SGCD: variants seen among roughly 807,000 people sequenced by gnomAD.
The protein encoded by SGCD is delta-sarcoglycan.
SGCD carries 18 observed loss-of-function variants against 36.6 expected under a neutral mutation model. The observed-to-expected ratio is 0.49, with a 90% CI of 0.34 to 0.73. The LOEUF (loss-of-function observed/expected upper bound fraction) is 0.73, where lower values mean the gene tolerates loss of function less well. Among genes scored for constraint, SGCD ranks in the 30% least tolerant of loss-of-function variants. SGCD has a pLI of 0.01. For missense variants in SGCD, 387 were observed against 346.7 expected, an observed-to-expected ratio of 1.12 and a Z score of -0.92; for synonymous variants, 133 against 130.6, an observed-to-expected ratio of 1.02 and a Z score of -0.12.
intron 5 of SGCD, among the ~76,000 whole-genome samples, chr5:156,591,729 T>G (rs1171046898): frequency 6.6e-6 from 1 of 152,154 alleles, no homozygotes; most frequent in Non-Finnish European, 1.5e-5. Flanking sequence ...GGAATAGTGG[T>G]TTTTTTCTTC....
intron 3 of SGCD, among the ~76,000 whole-genome samples, chr5:156,449,699 A>AAAAAAAAAC (rs1753916923): frequency 6.7e-6 from 1 of 149,142 alleles, no homozygotes; most frequent in African/African-American, 2.5e-5. Context: ...AAAAAAAAAA[A>AAAAAAAAAC]AAATCAGCCG....
intron 4 of SGCD, among the ~76,000 whole-genome samples, chr5:156,541,821 C>T (rs1758358034): frequency 6.6e-6 from 1 of 152,136 alleles, no homozygotes; most frequent in South Asian, 2.1e-4. Flanking sequence ...TGCTAAATAA[C>T]TCAACAAAGG....
chr5:156,074,673 C>G (rs943474108), intron 1 of SGCD, among the ~76,000 whole-genome samples: 3 of 151,892 alleles, frequency 2.0e-5, no homozygotes, highest in African/African-American at 4.8e-5. Context: ...AAGCGAGAAT[C>G]CATCTCAAAA....
At chr5:156,107,732 T>C (rs1057193313) in intron 1 of SGCD, among the ~76,000 whole-genome samples, 4 of 152,166 alleles carry the variant, frequency 2.6e-5, no homozygotes, top group African/African-American at 9.6e-5. Context: ...TATAGATATA[T>C]CTTTTGTGCA....
chr5:155,891,534 A>G (rs1319518838), intron 1 of SGCD, among the ~76,000 whole-genome samples: 1 of 145,306 alleles, frequency 6.9e-6, no homozygotes, highest in East Asian at 2.0e-4. Flanking sequence ...ACAAATTGCC[A>G]AATTCCAGAG....
At chr5:156,259,526 A>G (rs1282458324) in intron 3 of SGCD, among the ~76,000 whole-genome samples, 1 of 151,936 alleles carries the variant, frequency 6.6e-6, no homozygotes, top group African/African-American at 2.4e-5. Context: ...AACATTGCAA[A>G]TATATTCTTG....
intron 3 of SGCD, among the ~76,000 whole-genome samples, chr5:156,193,402 A>G (rs916530473): frequency 6.6e-6 from 1 of 152,156 alleles, no homozygotes; most frequent in Non-Finnish European, 1.5e-5. Context: ...TTTTGAGATA[A>G]TGGATAATGT....
intron 4 of SGCD, among the ~76,000 whole-genome samples, chr5:156,563,439 A>G (rs1456530581): frequency 6.6e-6 from 1 of 152,212 alleles, no homozygotes; most frequent in African/African-American, 2.4e-5. Context: ...TCAGTGGTAG[A>G]GCTGGGAGTC....
intron 7 of SGCD, among the ~76,000 whole-genome samples, chr5:156,751,800 G>A (rs1026331660): frequency 9.2e-5 from 14 of 152,196 alleles, no homozygotes; most frequent in African/African-American, 3.1e-4. Flanking sequence ...GCAAGAAAGT[G>A]AACAACTGGA....
intron 1 of SGCD, among the ~76,000 whole-genome samples, chr5:156,084,848 A>G (rs1033800663): frequency 6.6e-6 from 1 of 152,166 alleles, no homozygotes; most frequent in Non-Finnish European, 1.5e-5. Context: ...TCCTTTTATC[A>G]GTTGAAGTGA....
intron 1 of SGCD, among the ~76,000 whole-genome samples, chr5:155,889,367 T>C (rs1003592113): frequency 3.3e-5 from 5 of 152,192 alleles, no homozygotes; most frequent in Admixed American, 3.3e-4. Flanking sequence ...CCTACTCTTG[T>C]ACTCTAAGAG....
At chr5:155,761,594 C>A in the SGCD span, among the ~76,000 whole-genome samples, 3 of 149,612 alleles carry the variant, frequency 2.0e-5, no homozygotes, top group Non-Finnish European at 4.4e-5. Flanking sequence ...TCTCCATCAT[C>A]TCCATCACCC....
rs1382911885 is a variant in SGCD, at chr5:156,282,449, G to A, written c.-43-47085G>A. On this transcript the variant is annotated intron_variant, in intron 3 of 9. Coordinates refer to the SGCD transcript ENST00000517913. ...ACTCAAATAGTTGTACTAAATAAAT[G>A]AGTGAGAAAATGAATGAATGTGTGG... 2.0e-5 allele frequency among the ~76,000 whole-genome samples: 3 copies of A among 152,192 alleles called. No homozygotes were observed. The East Asian group carries it at 5.8e-4, about 29-fold the overall frequency.
chr5:156,604,169 T>G (rs1427206117), intron 6 of SGCD, among the ~76,000 whole-genome samples: 1 of 152,014 alleles, frequency 6.6e-6, no homozygotes, highest in African/African-American at 2.4e-5. Context: ...CTTTTTACAG[T>G]TTTTGACTTA....
intron 1 of SGCD, among the ~76,000 whole-genome samples, chr5:156,068,019 A>G (rs573073316): frequency 6.6e-6 from 1 of 151,812 alleles, no homozygotes; most frequent in East Asian, 1.9e-4. Context: ...TTTTGTTGAA[A>G]CAAGTAACTG....
rs1018552478 is a variant in SGCD at position 156,263,571 on chromosome 5, T to G, written c.-43-65963T>G. Among the ~76,000 whole-genome samples, 3 of 152,326 alleles carry G rather than the reference T, an allele frequency of 2.0e-5. No homozygotes were observed. The South Asian group carries it at 6.2e-4, about 32-fold the overall frequency. ...TCTCTTTATTTTGCTGATTGTTTCT[T>G]TTGCTGTGCAGAAACTTTTTAGTTT... On this transcript the variant is annotated intron_variant, in intron 3 of 9. Transcript: ENST00000517913.
chr5:155,785,044 C>A, the SGCD span, among the ~76,000 whole-genome samples: 1 of 151,936 alleles, frequency 6.6e-6, no homozygotes, highest in Non-Finnish European at 1.5e-5. Context: ...TGGGCACATA[C>A]CCCAGAGAAA....
intron 6 of SGCD, among the ~76,000 whole-genome samples, chr5:156,596,379 T>C (rs7720093): frequency 0.036 from 5,427 of 152,214 alleles, 324 homozygotes; most frequent in African/African-American, 0.12. Flanking sequence ...CTTGCTTACC[T>C]GTTTATAAAA....
intron 1 of SGCD, among the ~76,000 whole-genome samples, chr5:156,047,655 A>C (rs75698367): frequency 0.018 from 2,693 of 152,156 alleles, 76 homozygotes; most frequent in African/African-American, 0.055. Flanking sequence ...GGGGGGGAAA[A>C]AGTTCTTTTC....
Sources: allele counts gnomAD v4.1 joint callset (sites outside exome capture counted in the v4.1 genomes callset), GRCh38; gene constraint gnomAD v4.1.1; transcripts MANE v1.5; gene names NCBI Gene and HGNC (gene_info 2026-07-23, HGNC 2026-07-21).